MEIKIN: variants seen among roughly 807,000 people sequenced by gnomAD.
The protein encoded by MEIKIN is meiosis-specific kinetochore protein.
chr5:131,816,480 G>A (rs1026379937), intron 12 of MEIKIN, among the ~76,000 whole-genome samples: 1 of 152,208 alleles, frequency 6.6e-6, no homozygotes, highest in African/African-American at 2.4e-5. Flanking sequence ...TCTGTAGACT[G>A]CATCATTGGC....
chr5:131,886,665 T>G (rs1201669220), intron 8 of MEIKIN, among the ~76,000 whole-genome samples: 1 of 152,132 alleles, frequency 6.6e-6, no homozygotes, highest in African/African-American at 2.4e-5. Context: ...AGAGAATACT[T>G]CATTTACAAA....
intron 6 of MEIKIN, among the ~76,000 whole-genome samples, chr5:131,921,616 C>T (rs1751506786): frequency 6.8e-6 from 1 of 147,916 alleles, no homozygotes; most frequent in Non-Finnish European, 1.5e-5. Flanking sequence ...TAAATCATGC[C>T]ACCGCACTCC....
intron 12 of MEIKIN, among the ~76,000 whole-genome samples, chr5:131,818,371 C>T (rs1773140831): frequency 6.6e-6 from 1 of 152,202 alleles, no homozygotes; most frequent in African/African-American, 2.4e-5. Context: ...AAGTATCTGT[C>T]TTTCAAAAAA....
intron 9 of MEIKIN, 28 bp from the exon 10 acceptor site, chr5:131,854,862 T>G (rs946974652): frequency 1.0e-5 from 4 of 397,202 alleles, no homozygotes; most frequent in Non-Finnish European, 1.8e-5. Flanking sequence ...AAACAGGGAT[T>G]GAACAGCAGA....
chr5:131,913,019 T>A (rs1382639485), intron 7 of MEIKIN, among the ~76,000 whole-genome samples: 1 of 152,216 alleles, frequency 6.6e-6, no homozygotes, highest in Admixed American at 6.5e-5. Flanking sequence ...CAATCTTGAC[T>A]GATATAGTTA....
intron 8 of MEIKIN, among the ~76,000 whole-genome samples, chr5:131,883,608 T>G (rs537397569): frequency 3.9e-4 from 60 of 152,298 alleles, no homozygotes; most frequent in African/African-American, 1.4e-3. Context: ...CAAAGCAAGA[T>G]GGCCGAACAG....
intron 11 of MEIKIN, among the ~76,000 whole-genome samples, chr5:131,841,874 A>C (rs1227762408): frequency 1.8e-4 from 27 of 152,244 alleles, no homozygotes; most frequent in Non-Finnish European, 1.5e-5. Context: ...TTAGTGAATA[A>C]AGACAACTGA....
At chr5:131,852,546 T>C (rs986832724) in intron 10 of MEIKIN, among the ~76,000 whole-genome samples, 4 of 152,094 alleles carry the variant, frequency 2.6e-5, no homozygotes, top group Admixed American at 6.6e-5. Context: ...TTATGCTAAG[T>C]GAAAGAAACC....
At chr5:131,916,646 C>G (rs1248694092) in intron 7 of MEIKIN, among the ~76,000 whole-genome samples, 1 of 152,182 alleles carries the variant, frequency 6.6e-6, no homozygotes, top group Non-Finnish European at 1.5e-5. Context: ...TTGACTATCC[C>G]TCTTGAATTT....
intron 9 of MEIKIN, among the ~76,000 whole-genome samples, chr5:131,871,020 G>T (rs1750481858): frequency 1.3e-5 from 2 of 152,172 alleles, no homozygotes; most frequent in Admixed American, 6.5e-5. Flanking sequence ...AACAGAAGGA[G>T]GAGCCAAGAT....
chr5:131,819,400 G>T (rs984394296), intron 11 of MEIKIN, among the ~76,000 whole-genome samples: 5 of 143,798 alleles, frequency 3.5e-5, no homozygotes, highest in African/African-American at 1.3e-4. Flanking sequence ...CAGAGGCAGA[G>T]GTGGAGGAAG....
chr5:131,934,955 C>G (rs961156462), intron 4 of MEIKIN, among the ~76,000 whole-genome samples: 6 of 151,720 alleles, frequency 4.0e-5, no homozygotes, highest in Non-Finnish European at 8.8e-5. Flanking sequence ...ACCTGGGAAC[C>G]TGAGGCAGGG....
intron 12 of MEIKIN, among the ~76,000 whole-genome samples, chr5:131,812,418 T>C (rs1284073737): frequency 6.6e-6 from 1 of 152,176 alleles, no homozygotes; most frequent in African/African-American, 2.4e-5. Context: ...CAGTTGGGTA[T>C]ATTCCTACAA....
intron 5 of MEIKIN, among the ~76,000 whole-genome samples, chr5:131,932,314 T>A (rs1337792350): frequency 6.6e-6 from 1 of 152,188 alleles, no homozygotes; most frequent in East Asian, 1.9e-4. Context: ...ATTTTTTGTT[T>A]CCATGTCTAT....
chr5:131,871,469 G>C (rs905456493), intron 9 of MEIKIN, among the ~76,000 whole-genome samples: 1 of 152,210 alleles, frequency 6.6e-6, no homozygotes, highest in Non-Finnish European at 1.5e-5. Context: ...CGCCATTCCC[G>C]AGTCTTGATT....
intron 9 of MEIKIN, among the ~76,000 whole-genome samples, chr5:131,871,346 G>A (rs1750493121): frequency 6.6e-6 from 1 of 152,234 alleles, no homozygotes; most frequent in Non-Finnish European, 1.5e-5. Context: ...CACACCAGGA[G>A]ATTATATCCC....
chr5:131,827,701 A>G (rs1462870097), intron 11 of MEIKIN, among the ~76,000 whole-genome samples: 2 of 152,224 alleles, frequency 1.3e-5, no homozygotes, highest in African/African-American at 4.8e-5. Context: ...GGAATAAATA[A>G]AAGAGCTTTA....
At chr5:131,911,275 GC>G (rs1263450120) in intron 8 of MEIKIN, among the ~76,000 whole-genome samples, 1 of 151,920 alleles carries the variant, frequency 6.6e-6, no homozygotes, top group Non-Finnish European at 1.5e-5. Context: ...ACCATCAAGA[GC>G]AAAATCAGCA....
intron 9 of MEIKIN, among the ~76,000 whole-genome samples, chr5:131,871,703 A>C (rs1750504111): frequency 6.6e-6 from 1 of 152,174 alleles, no homozygotes; most frequent in Non-Finnish European, 1.5e-5. Flanking sequence ...CTGCCTCCTC[A>C]AGTGGGTCCC....
Sources: allele counts gnomAD v4.1 joint callset (sites outside exome capture counted in the v4.1 genomes callset), GRCh38; gene constraint gnomAD v4.1.1; transcripts MANE v1.5; gene names NCBI Gene and HGNC (gene_info 2026-07-23, HGNC 2026-07-21).